The following CEP83 variants were observed in gnomAD, a reference collection of about 807,000 sequenced individuals.
CEP83 encodes the protein centrosomal protein of 83 kDa.
In CEP83, 70 loss-of-function variants were observed where a neutral mutation model predicts 101.9. The ratio of observed to expected loss-of-function variants is 0.69; its 90% CI spans 0.57 to 0.84. The LOEUF (loss-of-function observed/expected upper bound fraction) is 0.84, where lower values mean the gene tolerates loss of function less well. Among genes scored for constraint, CEP83 ranks in the 40% least tolerant of loss-of-function variants. The pLI is 0.00. For synonymous variants in CEP83, 264 were observed against 267.9 expected, an observed-to-expected ratio of 0.99 and a Z score of 0.14; for missense variants, 715 against 787.2, an observed-to-expected ratio of 0.91 and a Z score of 1.10.
chr12:94,281,408 C>T, the CEP83 span, among the ~76,000 whole-genome samples: 1 of 152,166 alleles, frequency 6.6e-6, no homozygotes, highest in African/African-American at 2.4e-5. Context: ...GGGTGTCAGC[C>T]GCCTGGGACT....
chr12:94,358,731 A>C (rs549377917), intron 11 of CEP83, among the ~76,000 whole-genome samples: 2 of 152,346 alleles, frequency 1.3e-5, no homozygotes, highest in Admixed American at 6.5e-5. Context: ...TAATTCCAAA[A>C]AACTGGCCTG....
intron 14 of CEP83, among the ~76,000 whole-genome samples, chr12:94,313,417 C>A (rs1485925007): frequency 6.6e-6 from 1 of 151,706 alleles, no homozygotes; most frequent in East Asian, 1.9e-4. Context: ...TGCCTGTAAT[C>A]CCAGTGCTTT....
In CEP83 at chr12:94,308,638, A is replaced by G. The variant is rs1006514808; in HGVS notation, c.*175T>C. The G allele has an allele frequency of 2.3e-6, 1 of 428,666 alleles. No individual in the cohort carries two copies. Among genetic ancestry groups the G allele is most frequent in the African/African-American group, 2.0e-5 (1 of 49,238 alleles). The allele number at this position is 428,666 out of a possible 1,614,324, so 26.6% of individuals were successfully genotyped here. On this transcript the variant is annotated 3_prime_UTR_variant, in exon 17 of 17. Transcript: ENST00000397809. The stretch of plus-strand genomic sequence containing the variant: ...ATTTCTCTTTTAATGCTTCACTTGT[A>G]TAATCTTAAAATCCTGACAGTCATA...
In CEP83 at chr12:94,323,221, T is replaced by C. The variant is rs7973744; in HGVS notation, c.1707+8479A>G. Among the ~76,000 whole-genome samples the C allele has an allele frequency of 7.9e-4, 120 of 152,170 alleles. 1 individual carries two copies. In the East Asian group the frequency reaches 0.022, roughly 28 times the overall value. On this transcript the variant is annotated intron_variant, in intron 14 of 16. Coordinates refer to ENST00000397809, the MANE Select transcript of CEP83 (RefSeq NM_016122.3). Reference sequence around the variant, plus strand: ...GGGTATGTACAGGGGTCTAACGTCCTGCTTGGCTGGAGTTGCAGTTGCTTT... The same window carrying C: ...GGGTATGTACAGGGGTCTAACGTCCCGCTTGGCTGGAGTTGCAGTTGCTTT...
At position 94,400,924 on chromosome 12, in the gene CEP83, T is replaced by G; in HGVS notation, c.475A>C (p.Lys159Gln). Residue 159 changes from lysine (K) to glutamine (Q), a missense_variant, in exon 6 of 17, where the codon AAG becomes CAG. By Grantham distance (53) the Lys-to-Gln change is moderately conservative. Transcript: ENST00000397809. ...TCCTTCTGGTGTTCAAATTCTGACT[T>G]GAGAAATGTATGTTCATAGCGAAGC... Reference protein sequence around the residue: ...NKLRYEHTFLKSEFEHQKEEY... With the variant: ...NKLRYEHTFLQSEFEHQKEEY... The G allele has an allele frequency of 6.6e-7, 1 of 1,515,820 alleles. No homozygotes were observed. The highest frequency in any genetic ancestry group is 1.4e-5 in the South Asian group (1 of 71,004). The allele number at this position is 1,515,820 out of a possible 1,614,324, so 93.9% of individuals were successfully genotyped here. A position where few individuals can be genotyped will look rare whatever the true frequency, so the allele number is the denominator to read the frequency against.
At chr12:94,369,693 T>C (rs535883142) in intron 9 of CEP83, 12 of 315,958 alleles carry the variant, frequency 3.8e-5, no homozygotes, top group African/African-American at 2.6e-4. Flanking sequence ...AATTCATTTA[T>C]GTATCCAATA....
chr12:94,284,556 A>G, the CEP83 span, among the ~76,000 whole-genome samples: 4 of 151,996 alleles, frequency 2.6e-5, no homozygotes, highest in African/African-American at 9.7e-5. Flanking sequence ...TGCAATGGCG[A>G]TTTCAGTATT....
intron 8 of CEP83, among the ~76,000 whole-genome samples, chr12:94,375,317 A>G (rs1037387188): frequency 1.3e-5 from 2 of 152,216 alleles, no homozygotes; most frequent in Non-Finnish European, 2.9e-5. Context: ...GGTGGTGAAG[A>G]AGCAAGTTAT....
the CEP83 span, among the ~76,000 whole-genome samples, chr12:94,295,288 T>C: frequency 2.6e-5 from 4 of 152,210 alleles, no homozygotes; most frequent in African/African-American, 7.2e-5. Context: ...TGTGGGGTTC[T>C]TGATTATACA....
At chr12:94,293,594 G>A in the CEP83 span, among the ~76,000 whole-genome samples, 2 of 152,120 alleles carry the variant, frequency 1.3e-5, no homozygotes, top group Non-Finnish European at 2.9e-5. Flanking sequence ...AAGCAGAGGG[G>A]ACCAGCAAGC....
At chr12:94,364,270 G>A (rs1438429950) in intron 11 of CEP83, among the ~76,000 whole-genome samples, 1 of 152,022 alleles carries the variant, frequency 6.6e-6, no homozygotes, top group Non-Finnish European at 1.5e-5. Context: ...ATTTTTACAT[G>A]TATTTTAACA....
At chr12:94,379,096 A>G in intron 6 of CEP83, 54 bp from the exon 7 acceptor site, 1 of 1,402,526 alleles carries the variant, frequency 7.1e-7, no homozygotes, top group Admixed American at 2.1e-5. Flanking sequence ...ATTTTCAGTC[A>G]TGAACATGCT....
chr12:94,298,109 C>T, the CEP83 span, among the ~76,000 whole-genome samples: 3 of 152,196 alleles, frequency 2.0e-5, no homozygotes, highest in East Asian at 3.8e-4. Context: ...GTTTAGTGGG[C>T]AGAGGACAGC....
chr12:94,346,759 G>A (rs922888934), intron 11 of CEP83, among the ~76,000 whole-genome samples: 4 of 152,214 alleles, frequency 2.6e-5, no homozygotes, highest in African/African-American at 9.6e-5. Flanking sequence ...TTGATGGGTA[G>A]AAATCCATAC....
intron 9 of CEP83, chr12:94,368,573 TAGC>T (rs770319157): frequency 6.2e-6 from 1 of 162,214 alleles, no homozygotes; most frequent in Non-Finnish European, 1.3e-5. Flanking sequence ...AGCTGGCTGA[TAGC>T]AGAGTGAAAT....
intron 4 of CEP83, among the ~76,000 whole-genome samples, chr12:94,403,787 T>C (rs1347419242): frequency 1.3e-5 from 2 of 152,004 alleles, no homozygotes; most frequent in African/African-American, 2.4e-5. Context: ...ACAGTCTTTA[T>C]TCACCGTTGT....
chr12:94,358,426 T>C (rs1251307499), intron 11 of CEP83, among the ~76,000 whole-genome samples: 2 of 152,096 alleles, frequency 1.3e-5, no homozygotes, highest in African/African-American at 2.4e-5. Context: ...GGGAAAAATT[T>C]TTGATGGCAG....
chr12:94,418,647 G>A (rs1858384869), intron 2 of CEP83, among the ~76,000 whole-genome samples: 1 of 152,062 alleles, frequency 6.6e-6, no homozygotes, highest in Non-Finnish European at 1.5e-5. Context: ...TGATTTCCAG[G>A]GACTAAGGGA....
chr12:94,371,126 T>C (rs537788811), intron 8 of CEP83, among the ~76,000 whole-genome samples: 45 of 152,224 alleles, frequency 3.0e-4, no homozygotes, highest in Non-Finnish European at 4.4e-4. Context: ...AAGCATTACA[T>C]GTAGAGCACC....
Sources: gnomAD v4.1 joint callset for allele counts (sites outside exome capture counted in the v4.1 genomes callset) on GRCh38, gnomAD v4.1.1 for gene constraint, MANE v1.5 for transcripts, NCBI Gene and HGNC (gene_info 2026-07-23, HGNC 2026-07-21) for gene names.